Variants in ZNF600 observed in about 807,000 individuals in gnomAD.
The protein encoded by ZNF600 is zinc finger protein KR-ZNF1.
A neutral mutation model predicts 7.3 loss-of-function variants in ZNF600; 4 were observed. The ratio of observed to expected loss-of-function variants is 0.55; its 90% confidence interval spans 0.27 to 1.25. ZNF600 has a LOEUF of 1.25. Ranked by LOEUF, ZNF600 falls within the 50% of genes most tolerant of loss-of-function variation. ZNF600 has a pLI of 0.12. For synonymous variants in ZNF600, 290 were observed against 308.9 expected, an observed-to-expected ratio of 0.94 and a Z score of 0.64; for missense variants, 911 against 922.1, an observed-to-expected ratio of 0.99 and a Z score of 0.16.
intron 3 of ZNF600, among the ~76,000 whole-genome samples, chr19:52,771,756 T>G (rs111728250): frequency 0.063 from 9,545 of 152,230 alleles, 962 homozygotes; most frequent in African/African-American, 0.21. Context: ...GGGATTATAG[T>G]CGTGAGCCAT....
At chr19:52,788,286 A>G (rs2062781805), upstream of ZNF600, among the ~76,000 whole-genome samples, 1 of 152,162 alleles carries the variant, frequency 6.6e-6, no homozygotes, top group South Asian at 2.1e-4. Context: ...AATACCTGGC[A>G]TTTCAGAAAG....
chr19:52,799,473 G>A, the ZNF600 span: 8 of 916,930 alleles, frequency 8.7e-6, no homozygotes, highest in Admixed American at 4.3e-5. Context: ...ATGATGACGT[G>A]CAAGGGTTGT....
At chr19:52,779,388 A>C (rs975809175) in intron 1 of ZNF600, among the ~76,000 whole-genome samples, 8 of 152,226 alleles carry the variant, frequency 5.3e-5, no homozygotes, top group Non-Finnish European at 7.3e-5. Flanking sequence ...GCTCTATTTG[A>C]AAAATGCCTC....
the ZNF600 span, among the ~76,000 whole-genome samples, chr19:52,796,718 TCA>T: frequency 7.9e-4 from 120 of 152,314 alleles, 1 homozygote; most frequent in African/African-American, 2.7e-3. Flanking sequence ...CCCAGCTGTC[TCA>T]ACCTCTGAAA....
the ZNF600 span, among the ~76,000 whole-genome samples, chr19:52,818,462 C>T: frequency 6.6e-6 from 1 of 151,990 alleles, no homozygotes; most frequent in Admixed American, 6.6e-5. Context: ...CCTGTAATAC[C>T]AACACTCTGA....
chr19:52,808,223 G>A, the ZNF600 span: 2 of 1,563,828 alleles, frequency 1.3e-6, no homozygotes, highest in Non-Finnish European at 1.7e-6. Context: ...CATGGATTTA[G>A]TTGTAGTGAA....
chr19:52,804,986 A>G, the ZNF600 span, among the ~76,000 whole-genome samples: 3 of 152,214 alleles, frequency 2.0e-5, no homozygotes, highest in South Asian at 6.2e-4. Context: ...AACTTGAGAC[A>G]GGCCAGGTGC....
chr19:52,811,810 G>A, the ZNF600 span, among the ~76,000 whole-genome samples: 1 of 147,740 alleles, frequency 6.8e-6, no homozygotes, highest in Non-Finnish European at 1.5e-5. Flanking sequence ...GGGAGGTGAG[G>A]GGCTCCTCTG....
At chr19:52,792,937 CG>C in the ZNF600 span, among the ~76,000 whole-genome samples, 3 of 151,678 alleles carry the variant, frequency 2.0e-5, no homozygotes, top group Non-Finnish European at 2.9e-5. Context: ...AGGGTTTCAC[CG>C]TGTTTGCCAG....
At chr19:52,778,518 G>A (rs1298241568) in intron 2 of ZNF600, among the ~76,000 whole-genome samples, 1 of 152,114 alleles carries the variant, frequency 6.6e-6, no homozygotes, top group Non-Finnish European at 1.5e-5. Flanking sequence ...ACATCCAGAT[G>A]TGGCCCCTGA....
At chr19:52,769,618 T>G (rs779055325) in intron 3 of ZNF600, among the ~76,000 whole-genome samples, 10 of 152,182 alleles carry the variant, frequency 6.6e-5, no homozygotes, top group Non-Finnish European at 1.0e-4. Context: ...TTGCTGGCAG[T>G]GGTCCCCCGG....
chr19:52,795,754 C>T, the ZNF600 span, among the ~76,000 whole-genome samples: 2 of 152,030 alleles, frequency 1.3e-5, no homozygotes, highest in African/African-American at 2.4e-5. Context: ...TTAGTCAAGA[C>T]GAGGATTCAC....
At chr19:52,816,146 T>C in the ZNF600 span, among the ~76,000 whole-genome samples, 1 of 147,262 alleles carries the variant, frequency 6.8e-6, no homozygotes, top group Non-Finnish European at 1.5e-5. Context: ...GCAAAGGGTC[T>C]AAGCTGCAGC....
chr19:52,789,289 G>C (rs1312416462), upstream of ZNF600, among the ~76,000 whole-genome samples: 1 of 152,220 alleles, frequency 6.6e-6, no homozygotes, highest in Non-Finnish European at 1.5e-5. Context: ...GGTTACAGTA[G>C]AGGTAGGGAG....
At chr19:52,811,584 A>T in the ZNF600 span, among the ~76,000 whole-genome samples, 2 of 137,324 alleles carry the variant, frequency 1.5e-5, no homozygotes, top group Non-Finnish European at 3.1e-5. Context: ...CTGGGCCGCA[A>T]CCCTGTCTGG....
At chr19:52,771,502 C>CAAGCG in intron 3 of ZNF600, among the ~76,000 whole-genome samples, 1 of 151,872 alleles carries the variant, frequency 6.6e-6, no homozygotes, top group African/African-American at 2.4e-5. Flanking sequence ...GAAACAGAGT[C>CAAGCG]TCACTCTGTC....
At chr19:52,792,058 C>A in the ZNF600 span, among the ~76,000 whole-genome samples, 1 of 152,244 alleles carries the variant, frequency 6.6e-6, no homozygotes, top group Non-Finnish European at 1.5e-5. Context: ...GGCACAAAAG[C>A]TCTATTTGAA....
chr19:52,765,193 T>C, exon 4 of ZNF600: 1 of 477,806 alleles, frequency 2.1e-6, no homozygotes. Flanking sequence ...CAAAAATGAA[T>C]TTTCTGATGT....
the ZNF600 span, among the ~76,000 whole-genome samples, chr19:52,829,372 CT>C: frequency 7.1e-6 from 1 of 139,984 alleles, no homozygotes; most frequent in African/African-American, 2.7e-5. Context: ...CCCCTCCCCC[CT>C]ATTTTTTTCT....
Sources: allele counts gnomAD v4.1 joint callset (sites outside exome capture counted in the v4.1 genomes callset), GRCh38; gene constraint gnomAD v4.1.1; transcripts MANE v1.5; gene names NCBI Gene and HGNC (gene_info 2026-07-23, HGNC 2026-07-21).